LAMA2: variants seen among roughly 807,000 people sequenced by gnomAD.
LAMA2 encodes the protein laminin subunit alpha-2.
Under a neutral mutation model 364.8 loss-of-function variants are expected in LAMA2, and 269 were observed. The observed-to-expected ratio is 0.74, with a 90% CI of 0.67 to 0.82. LAMA2 has a LOEUF of 0.82. LAMA2 is among the 40% of genes least tolerant of loss of function. LAMA2 has a pLI of 0.00. For missense variants in LAMA2, 3,807 were observed against 3,873.2 expected (o/e 0.98, Z 0.45); for synonymous variants, 1,379 against 1,370.6 (o/e 1.01, Z -0.14).
chr6:129,315,447 G>T (rs759098766), intron 24 of LAMA2, 29 bp from the exon 25 acceptor site: 2 of 1,607,138 alleles, frequency 1.2e-6, no homozygotes, highest in Admixed American at 3.3e-5. Flanking sequence ...CGTAAATTCA[G>T]CCTTCTGCTG....
chr6:129,289,644 A>G (rs1374873213), intron 19 of LAMA2, among the ~76,000 whole-genome samples: 2 of 152,004 alleles, frequency 1.3e-5, no homozygotes, highest in African/African-American at 4.8e-5. Flanking sequence ...TTATTTTATT[A>G]TGGTAATTAA....
chr6:128,921,244 AAAGT>A (rs113882240), intron 1 of LAMA2, among the ~76,000 whole-genome samples: 3,158 of 152,280 alleles, frequency 0.021, 44 homozygotes, highest in Middle Eastern at 0.031. Flanking sequence ...ATGATGACTA[AAAGT>A]AAGGGTTGTT....
intron 29 of LAMA2, among the ~76,000 whole-genome samples, chr6:129,332,343 A>G (rs551518684): frequency 2.6e-4 from 39 of 152,104 alleles, no homozygotes; most frequent in Non-Finnish European, 5.4e-4. Context: ...AGTATAATCC[A>G]TTTTGTTTTA....
intron 1 of LAMA2, among the ~76,000 whole-genome samples, chr6:129,007,352 G>T (rs1017777407): frequency 1.3e-5 from 2 of 152,142 alleles, no homozygotes; most frequent in South Asian, 4.1e-4. Context: ...TCTGTCATCT[G>T]TGTGTTTCCT....
At chr6:129,023,235 T>C (rs1290260334) in intron 1 of LAMA2, among the ~76,000 whole-genome samples, 1 of 152,202 alleles carries the variant, frequency 6.6e-6, no homozygotes, top group Non-Finnish European at 1.5e-5. Flanking sequence ...GAATTCTTTA[T>C]GGCATTTAAC....
At chr6:129,215,612 CAAAT>C (rs1783378555) in intron 12 of LAMA2, among the ~76,000 whole-genome samples, 1 of 151,964 alleles carries the variant, frequency 6.6e-6, no homozygotes, top group Non-Finnish European at 1.5e-5. Context: ...ATTTATCAGT[CAAAT>C]AAATCTGATT....
At chr6:129,486,215 T>TTACTTTCAGCATCACAAATCTGC (rs1285181793) in intron 55 of LAMA2, among the ~76,000 whole-genome samples, 3 of 152,218 alleles carry the variant, frequency 2.0e-5, no homozygotes, top group Non-Finnish European at 2.9e-5. Flanking sequence ...AGCACAGCTG[T>TTACTTTCAGCATCACAAATCTGC]TACTTTCAGC....
chr6:129,327,550 A>G (rs1775373278), intron 28 of LAMA2, among the ~76,000 whole-genome samples: 1 of 152,204 alleles, frequency 6.6e-6, no homozygotes, highest in South Asian at 2.1e-4. Context: ...CCTGAAACAC[A>G]AGACGGTTTT....
chr6:129,472,426 G>C (rs1330151131), intron 51 of LAMA2, among the ~76,000 whole-genome samples: 1 of 151,930 alleles, frequency 6.6e-6, no homozygotes, highest in East Asian at 1.9e-4. Context: ...TTCAGAAAAA[G>C]CCTAGCTTGA....
At chr6:129,442,950 A>G (rs1782191504) in intron 43 of LAMA2, 113 bp from the exon 44 acceptor site, 4 of 720,206 alleles carry the variant, frequency 5.6e-6, no homozygotes, top group Admixed American at 2.4e-5. Context: ...TATAATTAGT[A>G]CCTGTTATGA....
intron 33 of LAMA2, among the ~76,000 whole-genome samples, chr6:129,368,304 A>G (rs1286696378): frequency 6.6e-5 from 10 of 152,202 alleles, no homozygotes; most frequent in African/African-American, 1.9e-4. Flanking sequence ...TAACAGAGCC[A>G]TGTGAGCAGA....
chr6:129,164,036 A>T (rs372134711), intron 8 of LAMA2, among the ~76,000 whole-genome samples: 3 of 152,220 alleles, frequency 2.0e-5, no homozygotes, highest in East Asian at 3.9e-4. Context: ...TCTTTTTTTA[A>T]TAAGGTCAAC....
chr6:129,057,424 G>T lies in LAMA2; in HGVS notation c.284-2360G>T, dbSNP rs575082126. Among the ~76,000 whole-genome samples, 429 of 152,036 alleles carry T rather than the reference G, an allele frequency of 2.8e-3. 1 individual carries two copies. Among genetic ancestry groups the T allele is most frequent in the African/African-American group, 8.6e-3 (357 of 41,480 alleles). ...ATTATGGGTTTTAAAAACTAATGAT[G>T]GTTTTTAAATGCCCTTTGTTTCATG... On this transcript the variant is annotated intron_variant, in intron 2 of 64. Transcript: ENST00000421865.
chr6:129,301,543 T>A (rs1773549739), intron 22 of LAMA2, among the ~76,000 whole-genome samples: 1 of 152,078 alleles, frequency 6.6e-6, no homozygotes, highest in African/African-American at 2.4e-5. Flanking sequence ...ATTCATTGAT[T>A]TGGGGAATAA....
chr6:129,183,418 A>G (rs1417766682), intron 10 of LAMA2, among the ~76,000 whole-genome samples: 1 of 152,000 alleles, frequency 6.6e-6, no homozygotes, highest in African/African-American at 2.4e-5. Context: ...AAGACTAGAA[A>G]TCAAAGTCTG....
Position 128,921,877 on chromosome 6 carries a change from T to G in LAMA2, c.112+38520T>G, listed in dbSNP as rs1267287013. On this transcript the variant is annotated intron_variant, in intron 1 of 64. Coordinates refer to ENST00000421865, the MANE Select transcript of LAMA2 (RefSeq NM_000426.4). ...TCCCCCTCCCCCCACCCCACAACAGTCCCCAGAGTGTGATGTTCCCCTTCC... is the reference window on the plus strand; with the variant it reads ...TCCCCCTCCCCCCACCCCACAACAGGCCCCAGAGTGTGATGTTCCCCTTCC... 2.9e-5 allele frequency among the ~76,000 whole-genome samples: 3 copies of G among 104,512 alleles called. No individual in the cohort carries two copies. In the Admixed American group the frequency reaches 3.6e-4, roughly 13 times the overall value. 68.6% of individuals were successfully genotyped at this position (104,512 alleles called of 152,430 possible).
intron 12 of LAMA2, among the ~76,000 whole-genome samples, chr6:129,237,956 G>A (rs1454251145): frequency 4.7e-5 from 7 of 148,308 alleles, no homozygotes; most frequent in South Asian, 2.1e-4. Flanking sequence ...CCATGAGTTC[G>A]AGACCTGCCT....
intron 4 of LAMA2, among the ~76,000 whole-genome samples, chr6:129,099,244 A>G (rs1775375563): frequency 6.6e-6 from 1 of 151,382 alleles, no homozygotes; most frequent in South Asian, 2.1e-4. Context: ...ACCTCATATA[A>G]TTGTCAAGAG....
At chr6:128,956,036 G>A (rs942789813) in intron 1 of LAMA2, among the ~76,000 whole-genome samples, 20 of 151,902 alleles carry the variant, frequency 1.3e-4, no homozygotes, top group East Asian at 1.9e-4. Context: ...CATAAATTTC[G>A]CTACCACTTT....
Sources: gnomAD v4.1 joint callset for allele counts (sites outside exome capture counted in the v4.1 genomes callset) on GRCh38, gnomAD v4.1.1 for gene constraint, MANE v1.5 for transcripts, NCBI Gene and HGNC (gene_info 2026-07-23, HGNC 2026-07-21) for gene names.